The following PTPRZ1 variants were observed in gnomAD, a reference collection of about 807,000 sequenced individuals.
PTPRZ1 encodes protein tyrosine phosphatase receptor type Z1.
PTPRZ1 carries 82 observed loss-of-function variants against 214.1 expected under a neutral mutation model. The observed-to-expected ratio is 0.38, with a 90% CI of 0.32 to 0.46. The LOEUF (loss-of-function observed/expected upper bound fraction) is 0.46, where lower values mean the gene tolerates loss of function less well. Ranked by LOEUF, PTPRZ1 falls within the 20% of genes least tolerant of loss-of-function variation. The probability of loss-of-function intolerance (pLI) is 1.00; values close to 1 mark genes in which losing one functional copy is unlikely to be tolerated. For missense variants in PTPRZ1, 2,603 were observed against 2,748.7 expected (o/e 0.95, Z 1.19); for synonymous variants, 945 against 987.9 (o/e 0.96, Z 0.81).
intron 10 of PTPRZ1, among the ~76,000 whole-genome samples, chr7:122,002,843 T>G (rs1798370219): frequency 6.6e-6 from 1 of 152,206 alleles, no homozygotes; most frequent in Non-Finnish European, 1.5e-5. Flanking sequence ...AATAAGTATT[T>G]GATTATGATT....
At chr7:121,943,049 T>G (rs1338288154) in intron 2 of PTPRZ1, among the ~76,000 whole-genome samples, 1 of 152,230 alleles carries the variant, frequency 6.6e-6, no homozygotes, top group Non-Finnish European at 1.5e-5. Context: ...CTGTTTGGTA[T>G]TGTTAAAACT....
At chr7:122,006,319 C>T (rs1173447468) in intron 11 of PTPRZ1, among the ~76,000 whole-genome samples, 1 of 151,994 alleles carries the variant, frequency 6.6e-6, no homozygotes, top group Non-Finnish European at 1.5e-5. Context: ...TCCTATAGTG[C>T]TATCAAACAC....
At chr7:121,975,559 C>T (rs1797403603) in intron 4 of PTPRZ1, among the ~76,000 whole-genome samples, 1 of 152,188 alleles carries the variant, frequency 6.6e-6, no homozygotes, top group South Asian at 2.1e-4. Flanking sequence ...CTCTCAGAGG[C>T]TTCCTACTCT....
At chr7:121,947,035 C>T (rs77927233) in intron 2 of PTPRZ1, among the ~76,000 whole-genome samples, 8,107 of 152,056 alleles carry the variant, frequency 0.053, 339 homozygotes, top group Non-Finnish European at 0.073. Flanking sequence ...ATTATATTGG[C>T]AATATCTGAA....
intron 1 of PTPRZ1, among the ~76,000 whole-genome samples, chr7:121,901,524 T>C (rs1794957084): frequency 6.6e-6 from 1 of 152,162 alleles, no homozygotes; most frequent in South Asian, 2.1e-4. Flanking sequence ...TTTGATGAAG[T>C]ATTACACAAG....
Position 121,977,949 on chromosome 7 carries a change from GA to G in PTPRZ1, c.619+1101del, listed in dbSNP as rs560992322. Among the ~76,000 whole-genome samples the G allele has an allele frequency of 8.2e-4, 125 of 152,270 alleles. 2 individuals are homozygous for G. The South Asian group carries it at 0.019, about 23-fold the overall frequency. ...CCTTGCACCAGCCTGTGGGGACAAT[GA>G]AAGAGATGTTAACACTGGGTTGTTA... On this transcript the variant is annotated intron_variant, in intron 6 of 29. Coordinates refer to ENST00000393386, the MANE Select transcript of PTPRZ1 (RefSeq NM_002851.3).
At position 121,986,657 on chromosome 7, in the gene PTPRZ1, C is replaced by G. The variant is rs1360761169; in HGVS notation, c.928+2540C>G. 2.0e-5 allele frequency among the ~76,000 whole-genome samples: 3 copies of G among 152,122 alleles called. No homozygotes were observed. The East Asian group carries it at 5.8e-4, about 29-fold the overall frequency. ...AGAATTTCACATCCCTGCTGCAATA[C>G]TATTATGACTGCCATAGTAATAATA... is the stretch of plus-strand genomic sequence containing the variant. On this transcript the variant is annotated intron_variant, in intron 8 of 29. Coordinates refer to ENST00000393386, the MANE Select transcript of PTPRZ1 (RefSeq NM_002851.3).
chr7:121,976,191 G>C lies in PTPRZ1; in HGVS notation c.475G>C (p.Asp159His). ...TTTATAGATGCAAATCTACTGCTTT[G>C]ATGCGGACCGATTTTCAAGTTTTGA... is the stretch of plus-strand genomic sequence containing the variant. ...FPLEMQIYCF[D>H]ADRFSSFEEA... The change falls in exon 5 of 30, where the codon GAT (aspartate) becomes CAT (histidine). Residue 159 changes from aspartate to histidine, a missense_variant. By Grantham distance (81) the Asp-to-His change is moderately conservative. Around this residue, in one of 6 missense-constraint regions of PTPRZ1, gnomAD observed 244 missense variants for 333.2 expected, o/e 0.73. Transcript: ENST00000393386. 1 of 1,608,118 alleles carries C rather than the reference G, an allele frequency of 6.2e-7. No individual in the cohort carries two copies. The highest frequency in any genetic ancestry group is 8.5e-7 in the Non-Finnish European group (1 of 1,175,966).
chr7:121,883,732 G>A (rs1484934556), intron 1 of PTPRZ1, among the ~76,000 whole-genome samples: 1 of 152,076 alleles, frequency 6.6e-6, no homozygotes, highest in Non-Finnish European at 1.5e-5. Flanking sequence ...GTTCAAGTGA[G>A]TCTCCTGCCT....
At chr7:121,891,372 C>T (rs962405551) in intron 1 of PTPRZ1, among the ~76,000 whole-genome samples, 2 of 148,810 alleles carry the variant, frequency 1.3e-5, no homozygotes, top group African/African-American at 5.0e-5. Flanking sequence ...TGTGTTTGTT[C>T]ACCATGGAGC....
chr7:121,906,958 G>A (rs1206478), intron 1 of PTPRZ1, among the ~76,000 whole-genome samples: 67,070 of 125,176 alleles, frequency 0.54, 18,096 homozygotes, highest in African/African-American at 0.79. Flanking sequence ...TATATATTAT[G>A]TTTGCAGATA....
intron 2 of PTPRZ1, among the ~76,000 whole-genome samples, chr7:121,957,418 C>G (rs1331246501): frequency 6.6e-6 from 1 of 152,114 alleles, no homozygotes; most frequent in Non-Finnish European, 1.5e-5. Context: ...AGGGGTCATT[C>G]TCACCACTGC....
At chr7:121,936,993 C>T (rs187624784) in intron 2 of PTPRZ1, among the ~76,000 whole-genome samples, 1 of 152,274 alleles carries the variant, frequency 6.6e-6, no homozygotes, top group Admixed American at 6.5e-5. Flanking sequence ...TTGACTGAAC[C>T]AGAGCTGGGC....
intron 13 of PTPRZ1, among the ~76,000 whole-genome samples, chr7:122,027,320 T>C (rs1256052468): frequency 6.6e-6 from 1 of 152,132 alleles, no homozygotes; most frequent in African/African-American, 2.4e-5. Context: ...GAAAGGAAGC[T>C]ACTGAAGTAG....
At chr7:121,946,454 T>C (rs1796377360) in intron 2 of PTPRZ1, among the ~76,000 whole-genome samples, 1 of 152,148 alleles carries the variant, frequency 6.6e-6, no homozygotes, top group Non-Finnish European at 1.5e-5. Flanking sequence ...ACAGTTGTCA[T>C]CACTCTTAAT....
chr7:122,047,627 G>C (rs1341348140), intron 23 of PTPRZ1, among the ~76,000 whole-genome samples: 1 of 150,130 alleles, frequency 6.7e-6, no homozygotes. Flanking sequence ...TGTGTGTGTG[G>C]TGTGTTGCTA....
At chr7:122,038,620 C>A in intron 18 of PTPRZ1, 135 bp from the exon 19 acceptor site, 1 of 641,838 alleles carries the variant, frequency 1.6e-6, no homozygotes, top group Non-Finnish European at 2.3e-6. Context: ...CATCAAATTT[C>A]TCCAACTTTG....
intron 1 of PTPRZ1, among the ~76,000 whole-genome samples, chr7:121,888,044 A>G (rs1222648246): frequency 6.6e-6 from 1 of 152,146 alleles, no homozygotes; most frequent in Admixed American, 6.6e-5. Flanking sequence ...TATTGTCAGC[A>G]TTTTATCATG....
At position 121,928,173 on chromosome 7, in the gene PTPRZ1, T is replaced by C; in HGVS notation, c.76T>C (p.Tyr26His). 3 of 1,612,378 alleles carry C rather than the reference T, an allele frequency of 1.9e-6. No homozygotes were observed. Among genetic ancestry groups the C allele is most frequent in the South Asian group, 1.1e-5 (1 of 90,988 alleles). Reference sequence around the variant, plus strand: ...TTTTATAGATTGGGCTAATGGATACTACAGACAACAGAGAAAACTTGTTGA... The same window carrying C: ...TTTTATAGATTGGGCTAATGGATACCACAGACAACAGAGAAAACTTGTTGA... ...VCRLDWANGYYRQQRKLVEEI... is the reference protein window; with the variant it reads ...VCRLDWANGYHRQQRKLVEEI... Residue 26 changes from tyrosine to histidine, a missense_variant, in exon 2 of 30, where the codon TAC becomes CAC. Physicochemically the swap from Tyr to His is moderately conservative, Grantham distance 83 (BLOSUM62 2). Coordinates refer to ENST00000393386, the MANE Select transcript of PTPRZ1 (RefSeq NM_002851.3).
Sources: gnomAD v4.1 joint callset for allele counts (sites outside exome capture counted in the v4.1 genomes callset) on GRCh38, gnomAD v4.1.1 for gene constraint, gnomAD v4.1.1 regional missense constraint, MANE v1.5 for transcripts, NCBI Gene and HGNC (gene_info 2026-07-23, HGNC 2026-07-21) for gene names.